OPA1: variants seen among roughly 807,000 people sequenced by gnomAD.
OPA1 encodes OPA1 mitochondrial dynamin like GTPase, also known as dynamin-like GTPase OPA1, mitochondrial.
In OPA1, 59 loss-of-function variants were observed where a neutral mutation model predicts 152.9. That is an observed-to-expected ratio of 0.39 (90% CI 0.31 to 0.48). The LOEUF is 0.48. OPA1 is among the 20% of genes least tolerant of loss of function. OPA1 has a pLI of 0.96. For synonymous variants in OPA1, 400 were observed against 389.9 expected (o/e 1.03, Z -0.31); for missense variants, 1,008 against 1,216.8 (o/e 0.83, Z 2.55).
chr3:193,596,341 C>T (rs1264918802), intron 1 of OPA1, among the ~76,000 whole-genome samples: 1 of 132,962 alleles, frequency 7.5e-6, no homozygotes, highest in Non-Finnish European at 1.6e-5. Context: ...CTTTCCTTTT[C>T]TTTTCTTTTC....
In OPA1 at chr3:193,615,108, AT is replaced by A; in HGVS notation, c.351+72del. 3 of 1,257,916 alleles carry A rather than the reference AT, an allele frequency of 2.4e-6. No individual in the cohort carries two copies. In the South Asian group the frequency reaches 3.6e-5, roughly 15 times the overall value. 77.9% of individuals were successfully genotyped at this position (1,257,916 alleles called of 1,614,324 possible). A position where few individuals can be genotyped will look rare whatever the true frequency, so the allele number is the denominator to read the frequency against. On this transcript the variant is annotated intron_variant, in intron 2 of 30. Coordinates refer to ENST00000361510, the MANE Select transcript of OPA1 (RefSeq NM_130837.3). ...TGATTAAGTTTCTATAGCATAAATC[AT>A]TTTTGTGTAGTGGAATACAATTGGA...
chr3:193,646,868 T>C (rs890864724), intron 18 of OPA1, among the ~76,000 whole-genome samples, 197 bp from the exon 19 acceptor site: 1 of 152,188 alleles, frequency 6.6e-6, no homozygotes, highest in East Asian at 1.9e-4. Flanking sequence ...AGCCACACAT[T>C]TCCAGGGCTC....
intron 29 of OPA1, among the ~76,000 whole-genome samples, chr3:193,676,729 C>A (rs987037225): frequency 6.6e-6 from 1 of 152,062 alleles, no homozygotes; most frequent in Non-Finnish European, 1.5e-5. Flanking sequence ...GCCTGTAATC[C>A]CAGCACTTTA....
At chr3:193,663,080 A>G in intron 26 of OPA1, 118 bp downstream of exon 26, 2 of 924,390 alleles carry the variant, frequency 2.2e-6, no homozygotes, top group Non-Finnish European at 3.4e-6. Flanking sequence ...TGTCACGTGT[A>G]CATTTGCTGA....
At chr3:193,638,226 A>G (rs1258080439) in intron 11 of OPA1, among the ~76,000 whole-genome samples, 161 bp downstream of exon 11, 1 of 152,220 alleles carries the variant, frequency 6.6e-6, no homozygotes, top group Non-Finnish European at 1.5e-5. Context: ...CACAGCCAGG[A>G]GGCCAGTGTG....
In OPA1 at chr3:193,645,737, C is replaced by G. The variant is rs1734484200; in HGVS notation, c.1691C>G (p.Ser564Cys). 1 of 1,613,630 alleles carries G rather than the reference C, an allele frequency of 6.2e-7. No homozygotes were observed. The highest frequency in any genetic ancestry group is 8.5e-7 in the Non-Finnish European group (1 of 1,179,714). The stretch of plus-strand genomic sequence containing the variant: ...CATCATTCTTCCCCAGGGAACAGCT[C>G]TGAAAGCATTGAAGCTATAAGAGAA... ...FAVVTGKGNS[S>C]ESIEAIREYE... The change falls in exon 18 of 31, where the codon TCT (serine) becomes TGT (cysteine). Residue 564 changes from serine (S) to cysteine (C), a missense_variant. Ser to Cys is a moderately radical substitution (Grantham distance 112). This residue lies in a region of OPA1 where 213 missense variants were observed against 291.4 expected (regional missense o/e 0.73). Transcript: ENST00000361510.
chr3:193,626,966 C>CTT (rs748658800), intron 7 of OPA1, among the ~76,000 whole-genome samples: 20 of 152,260 alleles, frequency 1.3e-4, no homozygotes, highest in Admixed American at 3.3e-4. Flanking sequence ...TTGGAAGAGA[C>CTT]TTTTGGGTCA....
chr3:193,643,417 G>A lies in OPA1; in HGVS notation c.1350G>A (p.Val450=). ...AAGGCCCTGGACTACAGAGGATGGTGCTTGTTGACTTACCAGGTGTGATTA... is the reference window on the plus strand; with the variant it reads ...AAGGCCCTGGACTACAGAGGATGGTACTTGTTGACTTACCAGGTGTGATTA... ...NVKGPGLQRM[V]LVDLPGVINT... The change falls in exon 14 of 31, where the codon GTG becomes GTA. Residue 450 remains valine, a synonymous_variant. Transcript: ENST00000361510. 1.2e-6 allele frequency: 2 copies of A among 1,612,060 alleles called. No homozygotes were observed. The highest frequency in any genetic ancestry group is 1.7e-6 in the Non-Finnish European group (2 of 1,178,198).
intron 21 of OPA1, 119 bp downstream of exon 21, chr3:193,648,990 CG>C: frequency 1.1e-5 from 8 of 710,008 alleles, no homozygotes. Flanking sequence ...TAGGCAAAAA[CG>C]TAATAGTATA....
rs1416544969 is a variant in OPA1, at chr3:193,692,061, A to C, written c.2984-2A>C. On this transcript the variant is annotated splice_acceptor_variant, in intron 29 of 30. Coordinates refer to ENST00000361510, the MANE Select transcript of OPA1 (RefSeq NM_130837.3). LOFTEE classifies it high-confidence loss of function. ...TGTTTTTCTTTATTTTTATCTCCAC[A>C]GAGAAAGTTAGAGAAATTCAAGAAA... 6.7e-7 allele frequency: 1 copy of C among 1,497,804 alleles called. No individual in the cohort carries two copies. Among genetic ancestry groups the C allele is most frequent in the Non-Finnish European group, 9.2e-7 (1 of 1,088,420 alleles). The allele number at this position is 1,497,804 out of a possible 1,614,324, so 92.8% of individuals were successfully genotyped here. A position where few individuals can be genotyped will look rare whatever the true frequency, so the allele number is the denominator to read the frequency against.
chr3:193,690,729 A>G (rs901109560), intron 29 of OPA1, among the ~76,000 whole-genome samples: 1 of 152,194 alleles, frequency 6.6e-6, no homozygotes, highest in African/African-American at 2.4e-5. Flanking sequence ...TTAAATATAA[A>G]AGATATAAAT....
chr3:193,687,169 TAA>T, intron 29 of OPA1, among the ~76,000 whole-genome samples: 1 of 151,862 alleles, frequency 6.6e-6, no homozygotes, highest in East Asian at 1.9e-4. Context: ...CATGTAGAGA[TAA>T]AGAGACCCAA....
At position 193,654,519 on chromosome 3, in the gene OPA1, T is replaced by C. The variant is rs1340466886; in HGVS notation, c.2013-343T>C. ...TGTCTCAAAAAAAAAAAAAGTGAAA[T>C]ATTAATACATACAACAGCATGATGA... On this transcript the variant is annotated intron_variant, in intron 21 of 30. Transcript: ENST00000361510. Among the ~76,000 whole-genome samples, 2 of 149,436 alleles carry C rather than the reference T, an allele frequency of 1.3e-5. 1 individual carries two copies. The highest frequency in any genetic ancestry group is 4.2e-4 in the South Asian group (2 of 4,738).
intron 22 of OPA1, among the ~76,000 whole-genome samples, chr3:193,656,288 G>C (rs2109152439): frequency 6.6e-6 from 1 of 152,166 alleles, no homozygotes; most frequent in Admixed American, 6.5e-5. Context: ...CTGGTGAGAA[G>C]GTCAGGAAAC....
chr3:193,643,805 A>G (rs1297671869), intron 15 of OPA1, 170 bp from the exon 16 acceptor site: 5 of 909,398 alleles, frequency 5.5e-6, no homozygotes, highest in East Asian at 5.3e-5. Context: ...TAAGTTTTAC[A>G]TAAGCATCAT....
chr3:193,644,985 G>C (rs898730254), intron 16 of OPA1, among the ~76,000 whole-genome samples: 1 of 151,674 alleles, frequency 6.6e-6, no homozygotes, highest in African/African-American at 2.4e-5. Flanking sequence ...ATTTTTCTGG[G>C]TACATAGTCT....
intron 29 of OPA1, among the ~76,000 whole-genome samples, chr3:193,673,102 G>A (rs1003518633): frequency 2.0e-5 from 3 of 152,260 alleles, no homozygotes; most frequent in Non-Finnish European, 4.4e-5. Context: ...GAAATGGAGG[G>A]TTAGGAACTC....
chr3:193,629,832 C>G (rs1034478566), intron 7 of OPA1, among the ~76,000 whole-genome samples: 5 of 151,622 alleles, frequency 3.3e-5, no homozygotes, highest in African/African-American at 9.7e-5. Flanking sequence ...AAGTTATTGC[C>G]CCAGATGTCA....
intron 7 of OPA1, among the ~76,000 whole-genome samples, 153 bp downstream of exon 7, chr3:193,626,355 C>T (rs1000425171): frequency 6.6e-6 from 1 of 152,088 alleles, no homozygotes; most frequent in Non-Finnish European, 1.5e-5. Flanking sequence ...AAATATGTAA[C>T]TTTTCTGGAG....
Sources: allele counts gnomAD v4.1 joint callset (sites outside exome capture counted in the v4.1 genomes callset), GRCh38; gene constraint gnomAD v4.1.1; regional missense constraint gnomAD v4.1.1; transcripts MANE v1.5; gene names NCBI Gene and HGNC (gene_info 2026-07-23, HGNC 2026-07-21).